The following DOCK8 variants were observed in gnomAD, a reference collection of about 807,000 sequenced individuals.
The protein encoded by DOCK8 is dedicator of cytokinesis protein 8.
A neutral mutation model predicts 245.6 loss-of-function variants in DOCK8; 141 were observed. The observed-to-expected ratio is 0.57, with a 90% CI of 0.50 to 0.66. The LOEUF is 0.66. DOCK8 is among the 30% of genes least tolerant of loss of function. The pLI is 0.00. For missense variants in DOCK8, 2,965 were observed against 2,603.4 expected (o/e 1.14, Z -3.02); for synonymous variants, 1,168 against 970.2 (o/e 1.20, Z -3.79).
chr9:331,340 G>A (rs1307574948), intron 9 of DOCK8, among the ~76,000 whole-genome samples: 3 of 152,186 alleles, frequency 2.0e-5, no homozygotes, highest in Admixed American at 1.3e-4. Context: ...GGCAATGGGA[G>A]GGGGTTTTGA....
At chr9:312,367 GATA>G (rs1177568633) in intron 6 of DOCK8, 19 of 704,874 alleles carry the variant, frequency 2.7e-5, no homozygotes, top group East Asian at 5.6e-5. Flanking sequence ...ATGGGATTCT[GATA>G]ATAATAACAA....
intron 12 of DOCK8, among the ~76,000 whole-genome samples, chr9:337,060 C>T (rs935254833): frequency 6.6e-6 from 1 of 151,982 alleles, no homozygotes; most frequent in Non-Finnish European, 1.5e-5. Context: ...TATAAAGCCA[C>T]CAGTTCCCCT....
intron 2 of DOCK8, among the ~76,000 whole-genome samples, chr9:279,273 G>A (rs973854636): frequency 6.6e-6 from 1 of 152,194 alleles, no homozygotes. Context: ...TGTTTGAGAG[G>A]TCTGTTAAAT....
chr9:246,843 C>T (rs566820078), intron 1 of DOCK8, among the ~76,000 whole-genome samples: 23 of 151,990 alleles, frequency 1.5e-4, no homozygotes, highest in East Asian at 5.8e-4. Flanking sequence ...CTAGAATTCC[C>T]GGGCTCAACT....
At chr9:370,196 C>CTGG (rs1217868978) in intron 15 of DOCK8, 34 bp from the exon 16 acceptor site, 1 of 1,566,990 alleles carries the variant, frequency 6.4e-7, no homozygotes, top group Non-Finnish European at 8.8e-7. Flanking sequence ...CCAAATGTTA[C>CTGG]TGATAATTTG....
intron 1 of DOCK8, among the ~76,000 whole-genome samples, chr9:266,383 A>G (rs1268183771): frequency 6.6e-6 from 1 of 152,130 alleles, no homozygotes. Context: ...GAATGAATGA[A>G]TGAATGAATG....
intron 1 of DOCK8, among the ~76,000 whole-genome samples, chr9:222,380 C>G (rs77585619): frequency 0.11 from 17,008 of 152,184 alleles, 1,441 homozygotes; most frequent in East Asian, 0.38. Flanking sequence ...CACCTCCTTA[C>G]AAATTTCTAA....
intron 1 of DOCK8, among the ~76,000 whole-genome samples, chr9:249,583 A>G (rs370537504): frequency 6.6e-6 from 1 of 152,228 alleles, no homozygotes; most frequent in East Asian, 1.9e-4. Context: ...ATAGTTTAGC[A>G]TGCTATTACT....
At chr9:290,521 C>T (rs2048995992) in intron 4 of DOCK8, among the ~76,000 whole-genome samples, 1 of 152,148 alleles carries the variant, frequency 6.6e-6, no homozygotes. Context: ...TACTTGCTGG[C>T]CTTCCAGTAA....
chr9:281,261 G>T (rs1048407759), intron 2 of DOCK8, among the ~76,000 whole-genome samples: 1 of 143,898 alleles, frequency 6.9e-6, no homozygotes, highest in Non-Finnish European at 1.5e-5. Flanking sequence ...AAAAAAAAAA[G>T]TAGTTTTGGT....
chr9:231,019 G>A (rs1269496683), intron 1 of DOCK8, among the ~76,000 whole-genome samples: 5 of 152,056 alleles, frequency 3.3e-5, no homozygotes, highest in African/African-American at 9.7e-5. Flanking sequence ...TTCTTCTAGG[G>A]TTTTTATGGT....
At chr9:368,188 GTC>G in intron 15 of DOCK8, 53 bp downstream of exon 15, 8 of 1,394,798 alleles carry the variant, frequency 5.7e-6, no homozygotes, top group African/African-American at 1.4e-5. Context: ...GCTCACCCCT[GTC>G]ACTTCACACA....
At chr9:312,191 G>T in intron 6 of DOCK8, 25 bp downstream of exon 6, 2 of 1,611,936 alleles carry the variant, frequency 1.2e-6, no homozygotes, top group Non-Finnish European at 1.7e-6. Context: ...TTCCATACTG[G>T]AGAATCTCAG....
In DOCK8 at chr9:336,663, G is replaced by A; in HGVS notation, c.1367G>A (p.Gly456Glu). The change falls in exon 12 of 48, where the codon GGG (glycine) becomes GAG (glutamate). Residue 456 changes from glycine (G) to glutamate (E), a missense_variant. By Grantham distance (98) the Gly-to-Glu change is moderately conservative. This residue lies in a region of DOCK8 where 2,825 missense variants were observed against 2,453.5 expected (regional missense o/e 1.15). Transcript: ENST00000432829. ...SERALSLEEN[G>E]VGSNFKTSTL... Reference sequence around the variant, plus strand: ...AGAGCCCTCTCCTTGGAGGAAAATGGGGTTGGATCCAACTTCAAAACCTCC... The same window carrying A: ...AGAGCCCTCTCCTTGGAGGAAAATGAGGTTGGATCCAACTTCAAAACCTCC... 1 of 1,614,098 alleles carries A rather than the reference G, an allele frequency of 6.2e-7. No individual in the cohort carries two copies.
At chr9:376,943 A>G (rs1226235705) in intron 19 of DOCK8, 34 bp from the exon 20 acceptor site, 5 of 1,586,548 alleles carry the variant, frequency 3.2e-6, no homozygotes, top group Non-Finnish European at 4.3e-6. Flanking sequence ...TTGATGGTAT[A>G]AAACCCCATG....
intron 12 of DOCK8, among the ~76,000 whole-genome samples, chr9:338,774 A>T (rs1586739086): frequency 6.6e-6 from 1 of 152,176 alleles, no homozygotes; most frequent in South Asian, 2.1e-4. Context: ...AATGCAGCAG[A>T]TGCCCCATCC....
At chr9:398,984 A>G (rs2054599376) in intron 25 of DOCK8, among the ~76,000 whole-genome samples, 162 bp from the exon 26 acceptor site, 1 of 152,216 alleles carries the variant, frequency 6.6e-6, no homozygotes, top group South Asian at 2.1e-4. Flanking sequence ...CCTCACAGTC[A>G]TGGCTTTAGT....
chr9:334,824 G>A (rs996874618), intron 11 of DOCK8, among the ~76,000 whole-genome samples: 2 of 152,130 alleles, frequency 1.3e-5, no homozygotes, highest in East Asian at 1.9e-4. Flanking sequence ...GCTCACGCTT[G>A]TAATCCCACC....
intron 14 of DOCK8, among the ~76,000 whole-genome samples, chr9:342,280 ATTTG>A (rs1254270522): frequency 1.5e-5 from 2 of 133,672 alleles, no homozygotes; most frequent in African/African-American, 2.8e-5. Flanking sequence ...CAAAAGATTG[ATTTG>A]TTTTTCTTTT....
Sources: allele counts gnomAD v4.1 joint callset (sites outside exome capture counted in the v4.1 genomes callset), GRCh38; gene constraint gnomAD v4.1.1; regional missense constraint gnomAD v4.1.1; transcripts MANE v1.5; gene names NCBI Gene and HGNC (gene_info 2026-07-23, HGNC 2026-07-21).